The following PFKFB3 variants were observed in gnomAD, a reference collection of about 807,000 sequenced individuals.
The protein encoded by PFKFB3 is 6-phosphofructo-2-kinase/fructose-2,6-biphosphatase 3.
In PFKFB3, 33 loss-of-function variants were observed where a neutral mutation model predicts 68.0. The ratio of observed to expected loss-of-function variants is 0.49; its 90% CI spans 0.37 to 0.65. The LOEUF (loss-of-function observed/expected upper bound fraction) is 0.65, where lower values mean the gene tolerates loss of function less well. PFKFB3 is among the 30% of genes least tolerant of loss of function. The probability of loss-of-function intolerance (pLI) is 0.00; values close to 1 mark genes in which losing one functional copy is unlikely to be tolerated. For missense variants in PFKFB3, 586 were observed against 712.2 expected (o/e 0.82, Z 2.02); for synonymous variants, 315 against 288.2 (o/e 1.09, Z -0.94).
chr10:6,250,262 G>A (rs944748552), intron 14 of PFKFB3, among the ~76,000 whole-genome samples: 8 of 152,104 alleles, frequency 5.3e-5, no homozygotes, highest in African/African-American at 1.9e-4. Flanking sequence ...TTGCCAATGT[G>A]ACAGTATTAA....
At chr10:6,165,581 T>C (rs1478728312) in intron 1 of PFKFB3, among the ~76,000 whole-genome samples, 1 of 152,160 alleles carries the variant, frequency 6.6e-6, no homozygotes, top group Non-Finnish European at 1.5e-5. Context: ...TGGCGTTCTT[T>C]GCAGGAGCCA....
intron 1 of PFKFB3, among the ~76,000 whole-genome samples, chr10:6,171,593 G>T (rs1786792918): frequency 6.6e-6 from 1 of 151,914 alleles, no homozygotes; most frequent in African/African-American, 2.4e-5. Context: ...AGGTCCCTCT[G>T]TGTTGCTCGG....
At chr10:6,322,078 G>T in the PFKFB3 span, among the ~76,000 whole-genome samples, 1 of 152,146 alleles carries the variant, frequency 6.6e-6, no homozygotes, top group South Asian at 2.1e-4. Flanking sequence ...TAAATTGTCT[G>T]TTGACATATT....
intron 1 of PFKFB3, among the ~76,000 whole-genome samples, chr10:6,176,176 A>G (rs55707646): frequency 0.026 from 3,953 of 152,298 alleles, 66 homozygotes; most frequent in Middle Eastern, 0.048. Flanking sequence ...GAAGAATCTT[A>G]TGGGGAAAAT....
intron 1 of PFKFB3, among the ~76,000 whole-genome samples, chr10:6,192,712 T>TGTGTGTGTGTGTG (rs1588449738): frequency 9.2e-6 from 1 of 108,428 alleles, no homozygotes; most frequent in African/African-American, 3.2e-5. Context: ...TGTGTGTGTG[T>TGTGTGTGTGTGTG]TGGGGGATGT....
At chr10:6,204,358 G>A (rs1843550445) in intron 1 of PFKFB3, among the ~76,000 whole-genome samples, 1 of 152,254 alleles carries the variant, frequency 6.6e-6, no homozygotes, top group African/African-American at 2.4e-5. Flanking sequence ...CTCTCGAGGT[G>A]GCTTCGGGTC....
At chr10:6,202,414 G>C (rs1192424319), upstream of PFKFB3, 1 of 152,368 alleles carries the variant, frequency 6.6e-6, no homozygotes, top group Non-Finnish European at 1.5e-5. Context: ...GGTATTATCA[G>C]GGAGCAGCCT....
At chr10:6,244,734 G>T (rs575791882) in intron 14 of PFKFB3, among the ~76,000 whole-genome samples, 1 of 149,080 alleles carries the variant, frequency 6.7e-6, no homozygotes, top group East Asian at 1.9e-4. Context: ...ATATAAGCAC[G>T]TTGGACTGGA....
intron 1 of PFKFB3, among the ~76,000 whole-genome samples, chr10:6,159,959 A>G (rs1841925836): frequency 6.6e-6 from 1 of 151,074 alleles, no homozygotes; most frequent in Non-Finnish European, 1.5e-5. Context: ...AGGTCTTGCC[A>G]TCTTGCCCAG....
At chr10:6,183,601 C>CAAAAAAA (rs773888395) in intron 1 of PFKFB3, among the ~76,000 whole-genome samples, 1 of 127,850 alleles carries the variant, frequency 7.8e-6, no homozygotes, top group Admixed American at 8.1e-5. Context: ...CCAGCCTGGT[C>CAAAAAAA]AAAAAAAAAA....
intron 14 of PFKFB3, among the ~76,000 whole-genome samples, chr10:6,232,538 T>A (rs1845810637): frequency 1.3e-5 from 2 of 152,196 alleles, no homozygotes; most frequent in Non-Finnish European, 2.9e-5. Flanking sequence ...ATCCTCTGCC[T>A]GGCTGTGGTT....
chr10:6,244,539 C>T (rs937827806), intron 14 of PFKFB3, among the ~76,000 whole-genome samples: 2 of 152,146 alleles, frequency 1.3e-5, no homozygotes, highest in African/African-American at 4.8e-5. Flanking sequence ...GGGGCAGGTC[C>T]TCCTACAAAG....
rs187516362 is a variant in PFKFB3, at chr10:6,183,968, G to A, written c.17-29655G>A. ...CCCTCCCAAAGTGCTGGGATTACAG[G>A]TGTGAGCCACCGCGCCTGGCCTCAA... On this transcript the variant is annotated intron_variant, in intron 1 of 14. Transcript: ENST00000379789. Among the ~76,000 whole-genome samples the A allele has an allele frequency of 6.6e-5, 10 of 152,060 alleles. No homozygotes were observed. In the East Asian group the frequency reaches 1.9e-3, roughly 29 times the overall value.
rs546680729 is a variant in PFKFB3 at position 6,169,442 on chromosome 10, C to CGGGGTGTGGGTAGGAGACTG, written c.16+24431_16+24450dup. ...CAGACCTGGGCCACCATGGAGTTGT[C>CGGGGTGTGGGTAGGAGACTG]GGGGTGTGGGTAGGAGACTGGCGTC... On this transcript the variant is annotated intron_variant, in intron 1 of 14. Coordinates refer to the PFKFB3 transcript ENST00000379789. 7.1e-3 allele frequency among the ~76,000 whole-genome samples: 1,083 copies of CGGGGTGTGGGTAGGAGACTG among 152,104 alleles called. 11 individuals carry two copies. Among genetic ancestry groups the CGGGGTGTGGGTAGGAGACTG allele is most frequent in the African/African-American group, 0.025 (1,025 of 41,450 alleles).
chr10:6,320,557 A>G, the PFKFB3 span, among the ~76,000 whole-genome samples: 10 of 152,086 alleles, frequency 6.6e-5, no homozygotes, highest in South Asian at 2.1e-3. Context: ...AATTGAGCTG[A>G]GACCACAGGT....
chr10:6,214,802 G>A (rs1035478863), intron 2 of PFKFB3, among the ~76,000 whole-genome samples: 1 of 152,264 alleles, frequency 6.6e-6, no homozygotes, highest in Non-Finnish European at 1.5e-5. Flanking sequence ...CAGCAGAAGG[G>A]TTGACCTAGA....
In PFKFB3 at chr10:6,145,053, G is replaced by A. The variant is rs1841330934; in HGVS notation, c.16+40G>A. ...GACGCGGCCCACGCCCCCAGCGCGC[G>A]CGGGGACCTGAGCGGCCGCCTGTGG... On this transcript the variant is annotated intron_variant, in intron 1 of 14. Coordinates refer to the PFKFB3 transcript ENST00000379789. 3.8e-6 allele frequency: 5 copies of A among 1,308,038 alleles called. No homozygotes were observed. The South Asian group carries it at 8.5e-5, about 22-fold the overall frequency. The allele number at this position is 1,308,038 out of a possible 1,614,324, so 81.0% of individuals were successfully genotyped here. A position where few individuals can be genotyped will look rare whatever the true frequency, so the allele number is the denominator to read the frequency against.
At chr10:6,299,028 G>C in the PFKFB3 span, among the ~76,000 whole-genome samples, 1 of 152,172 alleles carries the variant, frequency 6.6e-6, no homozygotes, top group Admixed American at 6.5e-5. Context: ...TGTAATGAAA[G>C]CACTCAAATG....
At chr10:6,171,257 G>C (rs984029559) in intron 1 of PFKFB3, among the ~76,000 whole-genome samples, 4 of 152,044 alleles carry the variant, frequency 2.6e-5, no homozygotes, top group Non-Finnish European at 5.9e-5. Flanking sequence ...ATTTCTCCAT[G>C]TTGGTCAGGC....
Sources: allele counts gnomAD v4.1 joint callset (sites outside exome capture counted in the v4.1 genomes callset), GRCh38; gene constraint gnomAD v4.1.1; transcripts MANE v1.5; gene names NCBI Gene and HGNC (gene_info 2026-07-23, HGNC 2026-07-21).